FCHSD2: variants seen among roughly 807,000 people sequenced by gnomAD.
FCHSD2 encodes F-BAR and double SH3 domains protein 2.
Under a neutral mutation model 108.1 loss-of-function variants are expected in FCHSD2, and 38 were observed. That is an observed-to-expected ratio of 0.35 (90% CI 0.27 to 0.46). The LOEUF is 0.46. Among genes scored for constraint, FCHSD2 ranks in the 20% least tolerant of loss-of-function variants. FCHSD2 has a pLI of 1.00. For missense variants in FCHSD2, 751 were observed against 897.8 expected (o/e 0.84, Z 2.09); for synonymous variants, 279 against 314.7 (o/e 0.89, Z 1.20).
chr11:73,101,201 AAGGCCAC>A (rs1860217065), intron 2 of FCHSD2, among the ~76,000 whole-genome samples: 1 of 152,218 alleles, frequency 6.6e-6, no homozygotes, highest in South Asian at 2.1e-4. Flanking sequence ...TATTCATAAA[AAGGCCAC>A]ATAAAATAGC....
intron 2 of FCHSD2, among the ~76,000 whole-genome samples, chr11:73,091,322 T>C (rs1859951829): frequency 6.6e-6 from 1 of 152,102 alleles, no homozygotes; most frequent in African/African-American, 2.4e-5. Context: ...GCAGATCACT[T>C]GAGGTCAGGA....
intron 2 of FCHSD2, among the ~76,000 whole-genome samples, chr11:73,104,959 G>A (rs941083812): frequency 7.2e-5 from 11 of 152,180 alleles, no homozygotes; most frequent in Admixed American, 1.3e-4. Flanking sequence ...TTATTTCAAA[G>A]CAGCCTATCA....
intron 5 of FCHSD2, among the ~76,000 whole-genome samples, chr11:72,991,732 A>G (rs1222393203): frequency 6.6e-6 from 1 of 152,210 alleles, no homozygotes; most frequent in African/African-American, 2.4e-5. Context: ...AAAAACTCTC[A>G]ATAAATTAGG....
intron 4 of FCHSD2, among the ~76,000 whole-genome samples, chr11:73,005,901 AC>A (rs1193546656): frequency 2.8e-5 from 4 of 141,644 alleles, no homozygotes; most frequent in Admixed American, 7.0e-5. Context: ...CTATTCCTAA[AC>A]TTTTTTTTTT....
At chr11:73,099,170 G>A (rs534914343) in intron 2 of FCHSD2, among the ~76,000 whole-genome samples, 24 of 152,254 alleles carry the variant, frequency 1.6e-4, no homozygotes, top group African/African-American at 5.5e-4. Flanking sequence ...AGCTATGACT[G>A]TGCCACTGCA....
At chr11:73,052,443 G>A (rs897375781) in intron 3 of FCHSD2, among the ~76,000 whole-genome samples, 1 of 151,934 alleles carries the variant, frequency 6.6e-6, no homozygotes. Context: ...TAAACAGTAC[G>A]TTTAGTGACA....
chr11:73,023,108 CA>C (rs543344445), intron 3 of FCHSD2, among the ~76,000 whole-genome samples: 31 of 152,034 alleles, frequency 2.0e-4, no homozygotes, highest in Non-Finnish European at 4.3e-4. Context: ...TTTAGAAGAA[CA>C]GAGAAGAAAA....
chr11:72,936,713 T>C (rs1047821598), intron 8 of FCHSD2, among the ~76,000 whole-genome samples: 27 of 152,220 alleles, frequency 1.8e-4, no homozygotes, highest in Non-Finnish European at 3.2e-4. Context: ...TGAACACTTA[T>C]AGTATATCTT....
At chr11:72,939,754 G>A (rs1056501109) in intron 8 of FCHSD2, among the ~76,000 whole-genome samples, 1 of 151,452 alleles carries the variant, frequency 6.6e-6, no homozygotes, top group African/African-American at 2.4e-5. Context: ...GAGCAGCTGG[G>A]ATTACAGATG....
At chr11:73,051,600 A>G (rs553488428) in intron 3 of FCHSD2, among the ~76,000 whole-genome samples, 1 of 152,270 alleles carries the variant, frequency 6.6e-6, no homozygotes, top group African/African-American at 2.4e-5. Flanking sequence ...ACTTTATACT[A>G]TTTTACACAA....
At chr11:73,006,650 T>C (rs781568934) in intron 4 of FCHSD2, among the ~76,000 whole-genome samples, 1 of 152,260 alleles carries the variant, frequency 6.6e-6, no homozygotes, top group Non-Finnish European at 1.5e-5. Flanking sequence ...ATTACAGCAA[T>C]TGCTGCGCAA....
At position 72,849,754 on chromosome 11, in the gene FCHSD2, C is replaced by A. The variant is rs1458714411; in HGVS notation, c.1443+1G>T. 1.2e-6 allele frequency: 2 copies of A among 1,608,134 alleles called. No homozygotes were observed. The highest frequency in any genetic ancestry group is 1.7e-6 in the Non-Finnish European group (2 of 1,175,576). On this transcript the variant is annotated splice_donor_variant, in intron 14 of 19. Coordinates refer to ENST00000409418, the MANE Select transcript of FCHSD2 (RefSeq NM_014824.3). LOFTEE classifies it high-confidence loss of function. Reference sequence around the variant, plus strand: ...TAACATTATGTTGGAGAAATACAAACCTTGTAGGAATAAACAACTTTGCAG... The same window carrying A: ...TAACATTATGTTGGAGAAATACAAAACTTGTAGGAATAAACAACTTTGCAG...
intron 9 of FCHSD2, among the ~76,000 whole-genome samples, chr11:72,910,344 C>T (rs535733540): frequency 7.9e-5 from 12 of 152,266 alleles, no homozygotes; most frequent in African/African-American, 2.2e-4. Flanking sequence ...CAGCGACCAT[C>T]GAGAACGGGC....
intron 8 of FCHSD2, among the ~76,000 whole-genome samples, chr11:72,937,709 T>C (rs1358504509): frequency 6.6e-6 from 1 of 152,182 alleles, no homozygotes; most frequent in Non-Finnish European, 1.5e-5. Context: ...TGTTTGTATA[T>C]GTGCTTTTGA....
chr11:72,931,009 T>C (rs1464255845), intron 8 of FCHSD2, among the ~76,000 whole-genome samples: 2 of 151,910 alleles, frequency 1.3e-5, no homozygotes, highest in Admixed American at 1.3e-4. Flanking sequence ...TGTGCTTATT[T>C]CACATTGCAT....
At chr11:72,843,064 C>T in intron 16 of FCHSD2, 87 bp downstream of exon 16, 1 of 1,325,674 alleles carries the variant, frequency 7.5e-7, no homozygotes, top group South Asian at 1.3e-5. Flanking sequence ...GAAAGTTGTG[C>T]TTTTTATCCT....
intron 3 of FCHSD2, among the ~76,000 whole-genome samples, chr11:73,027,386 G>T (rs1460266013): frequency 6.6e-6 from 1 of 152,218 alleles, no homozygotes; most frequent in Non-Finnish European, 1.5e-5. Flanking sequence ...ACTTGAGAGA[G>T]ATGATTTAGG....
chr11:73,069,077 A>G (rs1859369775), intron 3 of FCHSD2, among the ~76,000 whole-genome samples: 2 of 151,606 alleles, frequency 1.3e-5, no homozygotes, highest in South Asian at 4.2e-4. Flanking sequence ...TTAGGAAGCC[A>G]AGGTGGGCTA....
At chr11:72,958,974 A>G (rs1237579709) in intron 8 of FCHSD2, among the ~76,000 whole-genome samples, 1 of 117,924 alleles carries the variant, frequency 8.5e-6, no homozygotes, top group African/African-American at 2.9e-5. Context: ...AGGATATTAC[A>G]TATACTCATC....
Sources: allele counts gnomAD v4.1 joint callset (sites outside exome capture counted in the v4.1 genomes callset), GRCh38; gene constraint gnomAD v4.1.1; transcripts MANE v1.5; gene names NCBI Gene and HGNC (gene_info 2026-07-23, HGNC 2026-07-21).